GRM8: variants seen among roughly 807,000 people sequenced by gnomAD.
GRM8 encodes glutamate metabotropic receptor 8.
A neutral mutation model predicts 87.2 loss-of-function variants in GRM8; 47 were observed. That is an observed-to-expected ratio of 0.54 (90% CI 0.43 to 0.69). The LOEUF (loss-of-function observed/expected upper bound fraction) is 0.69. GRM8 is among the 30% of genes least tolerant of loss of function. The pLI, the probability that GRM8 is intolerant of heterozygous loss-of-function variation, is 0.00. For missense variants in GRM8, 1,019 were observed against 1,139.2 expected, an observed-to-expected ratio of 0.89 and a Z score of 1.52; for synonymous variants, 396 against 404.5, an observed-to-expected ratio of 0.98 and a Z score of 0.25.
chr7:127,010,905 G>A (rs1472956539), intron 3 of GRM8, among the ~76,000 whole-genome samples: 3 of 152,050 alleles, frequency 2.0e-5, no homozygotes, highest in Non-Finnish European at 2.9e-5. Flanking sequence ...AGAAAGAGGA[G>A]CAGAAGGAGG....
intron 2 of GRM8, among the ~76,000 whole-genome samples, chr7:127,120,533 A>G (rs1827022788): frequency 6.6e-6 from 1 of 152,198 alleles, no homozygotes; most frequent in Non-Finnish European, 1.5e-5. Context: ...TTGAATTTTA[A>G]CAAGATCTCC....
At chr7:126,802,843 A>G (rs1195156382) in intron 6 of GRM8, among the ~76,000 whole-genome samples, 1 of 152,216 alleles carries the variant, frequency 6.6e-6, no homozygotes, top group African/African-American at 2.4e-5. Context: ...ACAAAGGTCA[A>G]AATGCACTGA....
At chr7:127,213,949 C>T (rs987032192) in intron 2 of GRM8, among the ~76,000 whole-genome samples, 14 of 152,228 alleles carry the variant, frequency 9.2e-5, no homozygotes, top group Non-Finnish European at 1.9e-4. Context: ...CTGAAAATTA[C>T]CCAAATGCCC....
At chr7:126,458,102 T>C (rs1803466081) in intron 9 of GRM8, among the ~76,000 whole-genome samples, 1 of 149,318 alleles carries the variant, frequency 6.7e-6, no homozygotes, top group Non-Finnish European at 1.5e-5. Flanking sequence ...ACTCCTGAAC[T>C]ATCAAATGAA....
chr7:126,470,313 T>C (rs1805020458), intron 9 of GRM8, among the ~76,000 whole-genome samples: 1 of 150,474 alleles, frequency 6.6e-6, no homozygotes, highest in Non-Finnish European at 1.5e-5. Flanking sequence ...TAGCATTAGG[T>C]ATATCTCCCA....
chr7:126,860,679 G>T (rs1343975905), intron 6 of GRM8, among the ~76,000 whole-genome samples: 1 of 151,982 alleles, frequency 6.6e-6, no homozygotes, highest in Admixed American at 6.6e-5. Context: ...TTAAACAGCG[G>T]CAGATTTATT....
chr7:127,137,445 C>T (rs1361366013), intron 2 of GRM8, among the ~76,000 whole-genome samples: 1 of 152,114 alleles, frequency 6.6e-6, no homozygotes, highest in African/African-American at 2.4e-5. Flanking sequence ...CAACACATAG[C>T]ATATAATAGA....
At chr7:126,560,045 G>C (rs2150955720) in intron 8 of GRM8, among the ~76,000 whole-genome samples, 1 of 152,340 alleles carries the variant, frequency 6.6e-6, no homozygotes, top group African/African-American at 2.4e-5. Flanking sequence ...TTGTAGAGCA[G>C]AAGGCTAAGC....
At chr7:126,555,598 T>C (rs1242311446) in intron 8 of GRM8, among the ~76,000 whole-genome samples, 1 of 152,240 alleles carries the variant, frequency 6.6e-6, no homozygotes, top group East Asian at 1.9e-4. Context: ...ATTGTTCTTA[T>C]ATCAAATTAT....
At chr7:126,791,273 A>G (rs1821281789) in intron 6 of GRM8, among the ~76,000 whole-genome samples, 1 of 152,216 alleles carries the variant, frequency 6.6e-6, no homozygotes, top group Non-Finnish European at 1.5e-5. Context: ...GATAATTGAT[A>G]TATCTTCTCT....
intron 3 of GRM8, among the ~76,000 whole-genome samples, chr7:126,982,229 G>A (rs944130135): frequency 5.9e-5 from 9 of 152,084 alleles, no homozygotes; most frequent in Non-Finnish European, 1.0e-4. Context: ...TTATATTCTG[G>A]CCATGCTGGC....
At chr7:127,097,684 T>G (rs1368091954) in intron 3 of GRM8, among the ~76,000 whole-genome samples, 1 of 152,192 alleles carries the variant, frequency 6.6e-6, no homozygotes, top group Non-Finnish European at 1.5e-5. Flanking sequence ...ACAAGAATTA[T>G]ATCATTGAAT....
intron 9 of GRM8, among the ~76,000 whole-genome samples, chr7:126,523,174 T>C (rs1813253892): frequency 2.0e-5 from 3 of 152,234 alleles, no homozygotes; most frequent in African/African-American, 7.2e-5. Flanking sequence ...AGATTTTCTT[T>C]AAAAATTTAT....
intron 1 of GRM8, among the ~76,000 whole-genome samples, chr7:127,249,865 T>A (rs905247683): frequency 3.9e-5 from 6 of 152,068 alleles, no homozygotes; most frequent in Admixed American, 3.9e-4. Flanking sequence ...TTCCTGAACC[T>A]CCGCAAGCCA....
chr7:127,059,709 C>T (rs1224649369), intron 3 of GRM8, among the ~76,000 whole-genome samples: 6 of 152,154 alleles, frequency 3.9e-5, no homozygotes, highest in Non-Finnish European at 8.8e-5. Flanking sequence ...TACAAATAGC[C>T]TCTAGATAAC....
chr7:127,119,215 G>A (rs191591317), intron 2 of GRM8, among the ~76,000 whole-genome samples: 9 of 152,244 alleles, frequency 5.9e-5, no homozygotes, highest in Admixed American at 2.0e-4. Flanking sequence ...GGGGCCAGGC[G>A]TGGTGGCTCA....
At chr7:126,726,372 C>T (rs138665619) in intron 7 of GRM8, among the ~76,000 whole-genome samples, 156 of 152,148 alleles carry the variant, frequency 1.0e-3, no homozygotes, top group African/African-American at 3.6e-3. Flanking sequence ...TTCTTTGATA[C>T]ACTAATCCAG....
intron 3 of GRM8, among the ~76,000 whole-genome samples, chr7:126,943,027 T>C (rs1360821514): frequency 6.6e-6 from 1 of 152,184 alleles, no homozygotes; most frequent in African/African-American, 2.4e-5. Flanking sequence ...TCAATATGTC[T>C]CAGGTGGGAC....
At chr7:126,451,431 T>C (rs1439204265) in intron 9 of GRM8, among the ~76,000 whole-genome samples, 1 of 151,800 alleles carries the variant, frequency 6.6e-6, no homozygotes, top group Non-Finnish European at 1.5e-5. Flanking sequence ...TGGTGTTACA[T>C]TGCTCAGAGC....
Sources: allele counts gnomAD v4.1 joint callset (sites outside exome capture counted in the v4.1 genomes callset), GRCh38; gene constraint gnomAD v4.1.1; transcripts MANE v1.5; gene names NCBI Gene and HGNC (gene_info 2026-07-23, HGNC 2026-07-21).